NCOA5: variants seen among roughly 807,000 people sequenced by gnomAD.
NCOA5 encodes the protein NCoA-5.
NCOA5 carries 12 observed loss-of-function variants against 59.0 expected under a neutral mutation model. That is an observed-to-expected ratio of 0.20 (90% confidence interval 0.13 to 0.33). The LOEUF (loss-of-function observed/expected upper bound fraction) is 0.33, where lower values mean the gene tolerates loss of function less well. Ranked by LOEUF, NCOA5 falls within the 10% of genes least tolerant of loss-of-function variation. The pLI, the probability that NCOA5 is intolerant of heterozygous loss-of-function variation, is 1.00. For missense variants in NCOA5, 655 were observed against 766.6 expected, an observed-to-expected ratio of 0.85 and a Z score of 1.72; for synonymous variants, 270 against 275.5, an observed-to-expected ratio of 0.98 and a Z score of 0.20.
At chr20:46,089,266 C>T (rs1488182556) in intron 1 of NCOA5, among the ~76,000 whole-genome samples, 2 of 152,104 alleles carry the variant, frequency 1.3e-5, no homozygotes, top group African/African-American at 4.8e-5. Context: ...CTACAAAACG[C>T]GTGGGGTGTC....
At chr20:46,077,486 T>C (rs1390287480) in intron 2 of NCOA5, among the ~76,000 whole-genome samples, 1 of 152,200 alleles carries the variant, frequency 6.6e-6, no homozygotes, top group Non-Finnish European at 1.5e-5. Context: ...TCTCAATCCA[T>C]AACAGAAACA....
chr20:46,072,148 C>T (rs2145536077), intron 2 of NCOA5, among the ~76,000 whole-genome samples: 1 of 152,334 alleles, frequency 6.6e-6, no homozygotes, highest in Middle Eastern at 3.4e-3. Context: ...CTTTCCTTTA[C>T]CTTCTTTGGC....
At chr20:46,075,833 TG>T (rs1372134658) in intron 2 of NCOA5, among the ~76,000 whole-genome samples, 1 of 152,190 alleles carries the variant, frequency 6.6e-6, no homozygotes, top group Non-Finnish European at 1.5e-5. Context: ...TTCAATGAAG[TG>T]GCCCTCAAGA....
At chr20:46,069,424 C>A (rs1297983707) in intron 3 of NCOA5, among the ~76,000 whole-genome samples, 1 of 152,122 alleles carries the variant, frequency 6.6e-6, no homozygotes. Context: ...CTGAATGATA[C>A]CACATTATAT....
rs111968597 is a variant in NCOA5, at chr20:46,069,194, C to T, written c.366-556G>A. On this transcript the variant is annotated intron_variant, in intron 3 of 7. Coordinates refer to ENST00000290231, the MANE Select transcript of NCOA5 (RefSeq NM_020967.3). Reference sequence around the variant, plus strand: ...CACCATTATCTAAAATTTTTCATCACCTCAAACATAAATTCTGTATTCGTG... The same window carrying T: ...CACCATTATCTAAAATTTTTCATCATCTCAAACATAAATTCTGTATTCGTG... 6.0e-3 allele frequency among the ~76,000 whole-genome samples: 918 copies of T among 152,254 alleles called. 12 individuals are homozygous for T. Among genetic ancestry groups the T allele is most frequent in the African/African-American group, 0.021 (888 of 41,548 alleles).
intron 1 of NCOA5, among the ~76,000 whole-genome samples, chr20:46,085,977 AG>A (rs937339638): frequency 4.1e-4 from 63 of 152,332 alleles, no homozygotes; most frequent in African/African-American, 1.4e-3. Flanking sequence ...AAATTGAAAA[AG>A]TCATGATTTT....
In NCOA5 at chr20:46,063,424, C is replaced by T. The variant is rs1399803316; in HGVS notation, c.1086G>A (p.Lys362=). ...NRYLTAEETD[K]IINYLRERKE... ...TCCGCTCTCGCAGGTAGTTGATGATCTTGTCAGTCTCTTCAGCAGTGAGGT... is the reference window on the plus strand; with the variant it reads ...TCCGCTCTCGCAGGTAGTTGATGATTTTGTCAGTCTCTTCAGCAGTGAGGT... Residue 362 remains lysine (K), a synonymous_variant, in exon 7 of 8, where the codon AAG becomes AAA. Transcript: ENST00000290231. The T allele has an allele frequency of 6.2e-7, 1 of 1,614,086 alleles. No homozygotes were observed. The highest frequency in any genetic ancestry group is 8.5e-7 in the Non-Finnish European group (1 of 1,180,060).
chr20:46,079,310 C>T (rs2084968669), intron 2 of NCOA5, 77 bp downstream of exon 2: 1 of 1,391,978 alleles, frequency 7.2e-7, no homozygotes, highest in South Asian at 1.2e-5. Flanking sequence ...AAGAAAAGAC[C>T]TTTGGTGTAC....
In NCOA5 at chr20:46,077,511, T is replaced by C. The variant is rs972580515; in HGVS notation, c.38+1876A>G. Among the ~76,000 whole-genome samples the C allele has an allele frequency of 2.6e-5, 4 of 152,198 alleles. 1 individual carries two copies. The highest frequency in any genetic ancestry group is 2.6e-4 in the Admixed American group (4 of 15,274). The stretch of plus-strand genomic sequence containing the variant: ...TAACAGAAACAGGATCTATTCTCTA[T>C]TCTGCAATGTGGCTTATTTGTTGTT... On this transcript the variant is annotated intron_variant, in intron 2 of 7. Transcript: ENST00000290231.
chr20:46,084,271 C>T (rs1461743259), intron 1 of NCOA5, among the ~76,000 whole-genome samples: 1 of 152,204 alleles, frequency 6.6e-6, no homozygotes, highest in Non-Finnish European at 1.5e-5. Context: ...GAGACTCAGA[C>T]CCAGGTCTTT....
chr20:46,086,103 T>G (rs2085042638), intron 1 of NCOA5, among the ~76,000 whole-genome samples: 1 of 152,182 alleles, frequency 6.6e-6, no homozygotes. Context: ...GGTCTCAAAC[T>G]TCTATCAAAA....
In NCOA5 at chr20:46,062,109, A is replaced by C; in HGVS notation, c.*191T>G. On this transcript the variant is annotated 3_prime_UTR_variant, in exon 8 of 8. Coordinates refer to ENST00000290231, the MANE Select transcript of NCOA5 (RefSeq NM_020967.3). ...AAAAACAAAAAAAGATACAGCCCCA[A>C]ATGCAGTATAAACTTTGTAAGGAAT... The C allele has an allele frequency of 1.9e-6, 1 of 520,690 alleles. No individual in the cohort carries two copies. The highest frequency in any genetic ancestry group is 3.4e-6 in the Non-Finnish European group (1 of 296,602). 32.3% of individuals were successfully genotyped at this position (520,690 alleles called of 1,614,324 possible).
chr20:46,062,426 T>G lies in NCOA5; in HGVS notation c.1614A>C (p.Pro538=). The G allele has an allele frequency of 6.2e-7, 1 of 1,614,006 alleles. No individual in the cohort carries two copies. The part of the protein sequence containing the change: ...VSSTGINFDN[P]SVQKALDTLI... ...GGGTATCCAGAGCCTTCTGTACACT[T>G]GGATTGTCAAAGTTGATACCTGTGG... The change falls in exon 8 of 8, where the codon CCA becomes CCC. Residue 538 remains proline, a synonymous_variant. Coordinates refer to ENST00000290231, the MANE Select transcript of NCOA5 (RefSeq NM_020967.3).
intron 1 of NCOA5, among the ~76,000 whole-genome samples, chr20:46,083,278 C>G (rs1335900446): frequency 6.6e-6 from 1 of 152,144 alleles, no homozygotes; most frequent in Non-Finnish European, 1.5e-5. Flanking sequence ...AAATAATGGC[C>G]AAAACCACAA....
rs142244499 is a variant in NCOA5, at chr20:46,086,231, G to A, written c.-30+3586C>T. On this transcript the variant is annotated intron_variant, in intron 1 of 7. Coordinates refer to ENST00000290231, the MANE Select transcript of NCOA5 (RefSeq NM_020967.3). ...AAGACAAGACACTCTGTTTTCTAAT[G>A]CAACTTAAGCTGCCCTGATCCTTGC... Among the ~76,000 whole-genome samples the A allele has an allele frequency of 1.8e-4, 28 of 152,338 alleles. 1 individual carries two copies. The highest frequency in any genetic ancestry group is 6.7e-4 in the African/African-American group (28 of 41,580).
At position 46,062,435 on chromosome 20, in the gene NCOA5, A is replaced by G. The variant is rs755062394; in HGVS notation, c.1605T>C (p.Phe535=). Residue 535 remains phenylalanine, a synonymous_variant, in exon 8 of 8, where the codon TTT becomes TTC. Transcript: ENST00000290231. ...GAGCCTTCTGTACACTTGGATTGTC[A>G]AAGTTGATACCTGTGGAAGACACAG... ...QRPVSSTGIN[F]DNPSVQKALD... 3.7e-6 allele frequency: 6 copies of G among 1,614,020 alleles called. No individual in the cohort carries two copies. The South Asian group carries it at 5.5e-5, about 15-fold the overall frequency.
rs1251887553 is a variant in NCOA5 at position 46,062,677 on chromosome 20, C to A, written c.1363G>T (p.Val455Phe). 2 of 1,614,130 alleles carry A rather than the reference C, an allele frequency of 1.2e-6. No homozygotes were observed. Among genetic ancestry groups the A allele is most frequent in the Non-Finnish European group, 1.7e-6 (2 of 1,180,026 alleles). Residue 455 changes from valine (V) to phenylalanine (F), a missense_variant, in exon 8 of 8, where the codon GTT becomes TTT. By Grantham distance (50) the Val-to-Phe change is conservative (BLOSUM62 -1). This residue lies in a region of NCOA5 where 325 missense variants were observed against 353.2 expected (regional missense o/e 0.92). Coordinates refer to ENST00000290231, the MANE Select transcript of NCOA5 (RefSeq NM_020967.3). ...TANSSSASPS[V>F]AAGNTPNQNF... ...TGGTTTGGGGTGTTTCCGGCAGCAA[C>A]CGAGGGGGATGCAGAGCTGCTATTG...
chr20:46,062,572 G>A lies in NCOA5; in HGVS notation c.1468C>T (p.Gln490Ter). The change falls in exon 8 of 8, where the codon CAG (glutamine) becomes TAG (stop). Residue 490 changes from glutamine (Q) to a stop codon, truncating the protein, a stop_gained. Transcript: ENST00000290231. LOFTEE classifies it high-confidence loss of function. ...CCCATGTTCTGAGCAGATCCTCCCT[G>A]TCCCAAAATGCTTGGAGGCTGATTG... ...SGNQPPSILG[Q>*]GGSAQNMGPR... is the part of the protein sequence containing the mutation. 1 of 1,614,220 alleles carries A rather than the reference G, an allele frequency of 6.2e-7. No homozygotes were observed. The highest frequency in any genetic ancestry group is 8.5e-7 in the Non-Finnish European group (1 of 1,180,038).
At chr20:46,079,304 A>C (rs2084968616) in intron 2 of NCOA5, 83 bp downstream of exon 2, 1 of 1,344,520 alleles carries the variant, frequency 7.4e-7, no homozygotes, top group South Asian at 1.2e-5. Flanking sequence ...GGGGGGAAGA[A>C]AAGACCTTTG....
Sources: gnomAD v4.1 joint callset for allele counts (sites outside exome capture counted in the v4.1 genomes callset) on GRCh38, gnomAD v4.1.1 for gene constraint, gnomAD v4.1.1 regional missense constraint, MANE v1.5 for transcripts, NCBI Gene and HGNC (gene_info 2026-07-23, HGNC 2026-07-21) for gene names.